The following PRKG1 variants were observed in gnomAD, a reference collection of about 807,000 sequenced individuals.
The protein encoded by PRKG1 is protein kinase cGMP-dependent 1.
A neutral mutation model predicts 88.1 loss-of-function variants in PRKG1; 35 were observed. The observed-to-expected ratio is 0.40, with a 90% CI of 0.30 to 0.53. The LOEUF (loss-of-function observed/expected upper bound fraction) is 0.53, where lower values mean the gene tolerates loss of function less well. Among genes scored for constraint, PRKG1 ranks in the 20% least tolerant of loss-of-function variants. The pLI, the probability that PRKG1 is intolerant of heterozygous loss-of-function variation, is 0.59. For missense variants in PRKG1, 540 were observed against 839.8 expected (o/e 0.64, Z 4.41); for synonymous variants, 303 against 292.5 (o/e 1.04, Z -0.37).
intron 2 of PRKG1, among the ~76,000 whole-genome samples, chr10:51,420,250 G>A (rs1186512835): frequency 6.6e-6 from 1 of 152,010 alleles, no homozygotes; most frequent in Non-Finnish European, 1.5e-5. Context: ...AAATGACATA[G>A]TATTAGTATT....
At chr10:50,996,701 C>T (rs908179591) in intron 1 of PRKG1, among the ~76,000 whole-genome samples, 7 of 152,150 alleles carry the variant, frequency 4.6e-5, no homozygotes, top group African/African-American at 1.7e-4. Context: ...CCTTGGTTGC[C>T]TCCTTTGAAT....
At chr10:51,711,199 G>A (rs567818070) in intron 3 of PRKG1, among the ~76,000 whole-genome samples, 58 of 152,152 alleles carry the variant, frequency 3.8e-4, no homozygotes, top group African/African-American at 1.1e-3. Context: ...TCTGCCTCCC[G>A]GGTTCATGCC....
In PRKG1 at chr10:51,927,810, T is replaced by G. The variant is rs548598187; in HGVS notation, c.762+20240T>G. Reference sequence around the variant, plus strand: ...ATTTGTATTATCATTTGAGACTATGTTATTCTAAAATTTTGGCATTTCCAT... The same window carrying G: ...ATTTGTATTATCATTTGAGACTATGGTATTCTAAAATTTTGGCATTTCCAT... On this transcript the variant is annotated intron_variant, in intron 5 of 17. Coordinates refer to ENST00000373980, the MANE Select transcript of PRKG1 (RefSeq NM_006258.4). Among the ~76,000 whole-genome samples, 3 of 152,324 alleles carry G rather than the reference T, an allele frequency of 2.0e-5. No homozygotes were observed. In the South Asian group the frequency reaches 6.2e-4, roughly 32 times the overall value.
At chr10:51,316,606 C>G (rs930393139) in intron 2 of PRKG1, among the ~76,000 whole-genome samples, 1 of 152,038 alleles carries the variant, frequency 6.6e-6, no homozygotes, top group South Asian at 2.1e-4. Flanking sequence ...TGCTTGAACC[C>G]GGGAGATGGA....
chr10:51,464,321 AT>A (rs1325164002), intron 2 of PRKG1, among the ~76,000 whole-genome samples: 2 of 152,000 alleles, frequency 1.3e-5, no homozygotes, highest in African/African-American at 4.8e-5. Context: ...ATTCTCATCT[AT>A]CATATGACAT....
intron 2 of PRKG1, among the ~76,000 whole-genome samples, chr10:51,363,327 T>C (rs10822831): frequency 0.043 from 6,462 of 152,004 alleles, 276 homozygotes; most frequent in African/African-American, 0.1. Flanking sequence ...CCCAGTATAT[T>C]ACACTGCTTT....
chr10:51,699,993 T>C (rs1217170496), intron 3 of PRKG1, among the ~76,000 whole-genome samples: 1 of 152,266 alleles, frequency 6.6e-6, no homozygotes, highest in Admixed American at 6.5e-5. Context: ...AGGCGGCGTG[T>C]TTTTCGTTCT....
chr10:51,315,478 A>G (rs1219000846), intron 2 of PRKG1, among the ~76,000 whole-genome samples: 1 of 152,202 alleles, frequency 6.6e-6, no homozygotes, highest in Non-Finnish European at 1.5e-5. Context: ...CAGTATTTTT[A>G]TGGGAAGGTA....
chr10:51,624,422 A>G lies in PRKG1; in HGVS notation c.592+156586A>G, dbSNP rs755524602. The stretch of plus-strand genomic sequence containing the variant: ...AAAATTGTTGTTGTCGGTCTCTATA[A>G]TAAACAGAAATCTGCCTCCTTGTAA... On this transcript the variant is annotated intron_variant, in intron 3 of 17. Transcript: ENST00000373980. 7.9e-5 allele frequency among the ~76,000 whole-genome samples: 12 copies of G among 152,344 alleles called. 1 individual carries two copies. Among genetic ancestry groups the G allele is most frequent in the Non-Finnish European group, 1.5e-4 (10 of 68,034 alleles).
At chr10:51,899,688 T>C (rs929245207) in intron 4 of PRKG1, among the ~76,000 whole-genome samples, 5 of 146,124 alleles carry the variant, frequency 3.4e-5, no homozygotes, top group African/African-American at 1.3e-4. Context: ...TATATATATA[T>C]ATATATACAA....
At chr10:52,114,252 G>T (rs1237552362) in intron 7 of PRKG1, among the ~76,000 whole-genome samples, 1 of 152,040 alleles carries the variant, frequency 6.6e-6, no homozygotes, top group African/African-American at 2.4e-5. Context: ...AAGGTACATG[G>T]ATGTTGGGAA....
intron 2 of PRKG1, among the ~76,000 whole-genome samples, chr10:51,442,096 GCTCA>G (rs1432687409): frequency 6.7e-6 from 1 of 150,352 alleles, no homozygotes; most frequent in Non-Finnish European, 1.5e-5. Flanking sequence ...CTGCATATTT[GCTCA>G]CTAAAGTTCA....
chr10:52,034,666 G>A (rs1240454746), intron 5 of PRKG1, among the ~76,000 whole-genome samples: 1 of 151,394 alleles, frequency 6.6e-6, no homozygotes, highest in Non-Finnish European at 1.5e-5. Context: ...TATCAGCTGT[G>A]ATGGCATGGA....
At chr10:52,185,382 G>GTC (rs1377942345) in intron 9 of PRKG1, among the ~76,000 whole-genome samples, 5 of 152,164 alleles carry the variant, frequency 3.3e-5, no homozygotes, top group African/African-American at 1.2e-4. Context: ...GCAAGAAATG[G>GTC]TCTCCCAAGC....
intron 3 of PRKG1, among the ~76,000 whole-genome samples, chr10:51,721,693 T>G (rs1044068523): frequency 2.6e-5 from 4 of 152,138 alleles, no homozygotes; most frequent in African/African-American, 7.2e-5. Context: ...TAATCTGCTG[T>G]GTAGCCCAGG....
chr10:52,237,243 C>G (rs1388196468), intron 9 of PRKG1, among the ~76,000 whole-genome samples: 1 of 144,704 alleles, frequency 6.9e-6, no homozygotes, highest in Admixed American at 6.9e-5. Flanking sequence ...GAAGCATTCC[C>G]TTTGAAAACT....
rs80330394 is a variant in PRKG1 at position 51,641,384 on chromosome 10, C to A, written c.593-163201C>A. The stretch of plus-strand genomic sequence containing the variant: ...CATCAATCATCAGACAGGAACGGAA[C>A]AAACTCCAAGGTGATGAATTTTTTA... On this transcript the variant is annotated intron_variant, in intron 3 of 17. Coordinates refer to ENST00000373980, the MANE Select transcript of PRKG1 (RefSeq NM_006258.4). Among the ~76,000 whole-genome samples, 854 of 152,210 alleles carry A rather than the reference C, an allele frequency of 5.6e-3. 10 individuals are homozygous for A. Among genetic ancestry groups the A allele is most frequent in the African/African-American group, 0.02 (822 of 41,534 alleles).
chr10:51,379,716 C>T (rs1837023605), intron 2 of PRKG1, among the ~76,000 whole-genome samples: 1 of 152,152 alleles, frequency 6.6e-6, no homozygotes, highest in South Asian at 2.1e-4. Context: ...GTTCACTCGA[C>T]AGATTTAACT....
intron 7 of PRKG1, among the ~76,000 whole-genome samples, chr10:52,114,557 AAT>A (rs558013508): frequency 1.3e-5 from 2 of 150,004 alleles, no homozygotes; most frequent in African/African-American, 2.5e-5. Context: ...TAATATGCTG[AAT>A]ATATATATAT....
Sources: allele counts gnomAD v4.1 joint callset (sites outside exome capture counted in the v4.1 genomes callset), GRCh38; gene constraint gnomAD v4.1.1; transcripts MANE v1.5; gene names NCBI Gene and HGNC (gene_info 2026-07-23, HGNC 2026-07-21).